Variants in GPHN observed in about 807,000 individuals in gnomAD.
GPHN encodes the protein gephyrin.
In GPHN, 17 loss-of-function variants were observed where a neutral mutation model predicts 95.5. The observed-to-expected ratio is 0.18, with a 90% CI of 0.12 to 0.27. GPHN has a LOEUF of 0.27. Among genes scored for constraint, GPHN ranks in the 10% least tolerant of loss-of-function variants. The pLI is 1.00. For missense variants in GPHN, 660 were observed against 978.1 expected (o/e 0.67, Z 4.34); for synonymous variants, 320 against 322.5 (o/e 0.99, Z 0.08).
chr14:67,616,557 G>T, the GPHN span: 1 of 150,906 alleles, frequency 6.6e-6, no homozygotes, highest in African/African-American at 2.4e-5. Flanking sequence ...TATTATTGTT[G>T]TCCTTTTAAA....
chr14:67,356,783 AGG>A, the GPHN span, among the ~76,000 whole-genome samples: 1 of 152,200 alleles, frequency 6.6e-6, no homozygotes, highest in Non-Finnish European at 1.5e-5. Context: ...GTCTCACAAG[AGG>A]TCTTATCAAG....
At chr14:67,182,371 C>G (rs1460826810), downstream of GPHN, among the ~76,000 whole-genome samples, 1 of 152,108 alleles carries the variant, frequency 6.6e-6, no homozygotes, top group African/African-American at 2.4e-5. Context: ...GTTAAATATA[C>G]TGTAAAATGT....
Position 66,998,888 on chromosome 14 carries a change from A to ATATAT in GPHN, c.964-24745_964-24744insTATAT, listed in dbSNP as rs543986222. On this transcript the variant is annotated intron_variant, in intron 9 of 22. Transcript: ENST00000478722. Reference sequence around the variant, plus strand: ...TTATGGTCCCTTTGTAAAAAAAAAAAATATATATATATATATACACATATA... The same window carrying ATATAT: ...TTATGGTCCCTTTGTAAAAAAAAAAATATATATATATATATATATATACACATATA... 6.9e-3 allele frequency among the ~76,000 whole-genome samples: 990 copies of ATATAT among 142,884 alleles called. 20 individuals carry two copies. Among genetic ancestry groups the ATATAT allele is most frequent in the African/African-American group, 0.025 (943 of 38,142 alleles). 93.7% of individuals were successfully genotyped at this position (142,884 alleles called of 152,430 possible).
the GPHN span, among the ~76,000 whole-genome samples, chr14:67,708,191 G>A: frequency 1.3e-5 from 2 of 152,100 alleles, no homozygotes; most frequent in Non-Finnish European, 2.9e-5. Flanking sequence ...GCTGTAAATA[G>A]CTTAAAAGAA....
At chr14:67,515,454 G>A in the GPHN span, 811 of 171,898 alleles carry the variant, frequency 4.7e-3, 4 homozygotes, top group Non-Finnish European at 7.7e-3. Flanking sequence ...CCCATAGTAC[G>A]GATGCGCTGC....
chr14:67,440,409 GA>G, the GPHN span, among the ~76,000 whole-genome samples: 103 of 151,304 alleles, frequency 6.8e-4, no homozygotes, highest in African/African-American at 2.3e-3. Flanking sequence ...CTCCCCCACC[GA>G]AAAAAAAATT....
the GPHN span, among the ~76,000 whole-genome samples, chr14:67,672,649 G>C: frequency 1.4e-5 from 2 of 147,900 alleles, no homozygotes; most frequent in Non-Finnish European, 3.0e-5. Context: ...CACCATATTG[G>C]CCAGGCTGGT....
chr14:66,961,176 A>G (rs2068876270), intron 8 of GPHN, among the ~76,000 whole-genome samples: 2 of 152,044 alleles, frequency 1.3e-5, no homozygotes, highest in Non-Finnish European at 2.9e-5. Flanking sequence ...TGTTGTCTTC[A>G]AGGCCACCTT....
chr14:66,612,820 G>A (rs939119523), intron 1 of GPHN, among the ~76,000 whole-genome samples: 6 of 152,004 alleles, frequency 3.9e-5, no homozygotes, highest in African/African-American at 1.4e-4. Context: ...CTCTGTGTAA[G>A]TCTTCTTTTG....
chr14:66,523,986 C>G (rs1341428271), intron 1 of GPHN, among the ~76,000 whole-genome samples: 1 of 151,904 alleles, frequency 6.6e-6, no homozygotes. Context: ...TTAGAAGATG[C>G]TATTTGTAGT....
the GPHN span, chr14:67,586,461 T>C: frequency 7.8e-7 from 1 of 1,275,340 alleles, no homozygotes; most frequent in East Asian, 5.3e-5. Flanking sequence ...TTTAAGGTGC[T>C]CGCATGTTAC....
intron 11 of GPHN, among the ~76,000 whole-genome samples, chr14:67,087,327 A>G (rs2076947451): frequency 2.0e-5 from 3 of 152,178 alleles, no homozygotes; most frequent in Admixed American, 1.3e-4. Flanking sequence ...AGGACAAACT[A>G]CTTCCAGATA....
At chr14:66,900,827 A>G (rs1464520396) in intron 5 of GPHN, among the ~76,000 whole-genome samples, 1 of 152,044 alleles carries the variant, frequency 6.6e-6, no homozygotes, top group African/African-American at 2.4e-5. Context: ...TTTAGCCATT[A>G]TGAATAGTGC....
At chr14:67,385,654 T>C in the GPHN span, 3 of 150,070 alleles carry the variant, frequency 2.0e-5, no homozygotes, top group East Asian at 3.9e-4. Flanking sequence ...CAAACCACTT[T>C]TTTCTTTTTT....
At chr14:67,655,912 AT>A in the GPHN span, among the ~76,000 whole-genome samples, 120 of 152,174 alleles carry the variant, frequency 7.9e-4, 1 homozygote, top group African/African-American at 2.6e-3. Flanking sequence ...TAGGGGTAAA[AT>A]TGCTTCTAAG....
chr14:67,147,054 A>G (rs2080939977), intron 18 of GPHN, among the ~76,000 whole-genome samples: 1 of 152,170 alleles, frequency 6.6e-6, no homozygotes, highest in Non-Finnish European at 1.5e-5. Context: ...ACAAAACAAA[A>G]AAAACTAATC....
At chr14:67,234,376 A>G in the GPHN span, among the ~76,000 whole-genome samples, 2 of 152,208 alleles carry the variant, frequency 1.3e-5, no homozygotes, top group African/African-American at 4.8e-5. Flanking sequence ...GTGTTTCAGA[A>G]GCCCAGAGAA....
At chr14:66,761,395 A>G (rs374132741) in intron 2 of GPHN, among the ~76,000 whole-genome samples, 5 of 152,342 alleles carry the variant, frequency 3.3e-5, no homozygotes, top group African/African-American at 9.6e-5. Flanking sequence ...TATTAATATT[A>G]TAGAAGGGGG....
the GPHN span, among the ~76,000 whole-genome samples, chr14:67,681,832 A>G: frequency 1.3e-5 from 2 of 152,222 alleles, no homozygotes; most frequent in Admixed American, 6.5e-5. Flanking sequence ...TGCTACAACT[A>G]TAAGACTATT....
Sources: allele counts gnomAD v4.1 joint callset (sites outside exome capture counted in the v4.1 genomes callset), GRCh38; gene constraint gnomAD v4.1.1; transcripts MANE v1.5; gene names NCBI Gene and HGNC (gene_info 2026-07-23, HGNC 2026-07-21).